FAM168A: variants seen among roughly 807,000 people sequenced by gnomAD.
FAM168A encodes the protein family with sequence similarity 168 member A.
In FAM168A, 3 loss-of-function variants were observed where a neutral mutation model predicts 28.5. The observed-to-expected ratio is 0.11, with a 90% CI of 0.05 to 0.27. The LOEUF (loss-of-function observed/expected upper bound fraction) is 0.27, where lower values mean the gene tolerates loss of function less well. Ranked by LOEUF, FAM168A falls within the 10% of genes least tolerant of loss-of-function variation. FAM168A has a pLI of 1.00. For synonymous variants in FAM168A, 122 were observed against 124.2 expected (o/e 0.98, Z 0.12); for missense variants, 222 against 311.5 (o/e 0.71, Z 2.16).
chr11:73,513,517 G>C (rs1229260879), intron 1 of FAM168A, among the ~76,000 whole-genome samples: 1 of 151,686 alleles, frequency 6.6e-6, no homozygotes. Context: ...GCCCCACCCA[G>C]GTAAAAGAAT....
intron 4 of FAM168A, among the ~76,000 whole-genome samples, chr11:73,411,845 T>C (rs1286175849): frequency 1.3e-5 from 2 of 152,156 alleles, no homozygotes; most frequent in Non-Finnish European, 2.9e-5. Context: ...AGCCTGGGAT[T>C]TGGAGCTGTC....
At chr11:73,553,722 A>G (rs1943855090) in intron 1 of FAM168A, among the ~76,000 whole-genome samples, 1 of 151,452 alleles carries the variant, frequency 6.6e-6, no homozygotes. Flanking sequence ...TGGCTCATGT[A>G]TGTAACCCTA....
intron 4 of FAM168A, among the ~76,000 whole-genome samples, chr11:73,419,434 G>A (rs371473737): frequency 1.3e-5 from 2 of 152,194 alleles, no homozygotes; most frequent in South Asian, 2.1e-4. Context: ...CAGGGATGCT[G>A]TTAAACATCC....
At chr11:73,492,788 A>G (rs1455277970) in intron 1 of FAM168A, among the ~76,000 whole-genome samples, 1 of 152,228 alleles carries the variant, frequency 6.6e-6, no homozygotes, top group African/African-American at 2.4e-5. Context: ...ATGTGACTCA[A>G]ATACTCAGAG....
intron 1 of FAM168A, among the ~76,000 whole-genome samples, chr11:73,503,862 CATCTG>C (rs1463005829): frequency 6.6e-6 from 1 of 152,158 alleles, no homozygotes; most frequent in East Asian, 1.9e-4. Flanking sequence ...CATCTACAAA[CATCTG>C]ATCTTCAACA....
chr11:73,471,406 T>C (rs781040482), intron 1 of FAM168A, among the ~76,000 whole-genome samples: 1 of 152,190 alleles, frequency 6.6e-6, no homozygotes, highest in Non-Finnish European at 1.5e-5. Flanking sequence ...AATTTCCATA[T>C]AGTAAAATTT....
intron 1 of FAM168A, among the ~76,000 whole-genome samples, chr11:73,591,429 T>C (rs905167582): frequency 6.6e-6 from 1 of 152,222 alleles, no homozygotes; most frequent in Non-Finnish European, 1.5e-5. Context: ...CTGCCTGCCA[T>C]AGACACTCAA....
intron 2 of FAM168A, among the ~76,000 whole-genome samples, chr11:73,461,911 A>G (rs1867653142): frequency 6.6e-6 from 1 of 152,216 alleles, no homozygotes; most frequent in Non-Finnish European, 1.5e-5. Flanking sequence ...AAATAAAAAG[A>G]ACATTTCATA....
chr11:73,485,403 C>G (rs1466681419), intron 1 of FAM168A, among the ~76,000 whole-genome samples: 2 of 152,140 alleles, frequency 1.3e-5, no homozygotes, highest in African/African-American at 4.8e-5. Flanking sequence ...TTCCTTCAGA[C>G]ATTAGAACCA....
chr11:73,592,068 C>T (rs586309), intron 1 of FAM168A, among the ~76,000 whole-genome samples: 68 of 152,152 alleles, frequency 4.5e-4, no homozygotes, highest in Admixed American at 1.2e-3. Context: ...CAAGCTTGAG[C>T]GACATGATCA....
chr11:73,413,807 T>C lies in FAM168A; in HGVS notation c.278-2271A>G, dbSNP rs181926093. On this transcript the variant is annotated intron_variant, in intron 4 of 7. Coordinates refer to ENST00000356467, the MANE Select transcript of FAM168A (RefSeq NM_015159.3). ...TGGGCTGGATGTGATGGCTCTCACC[T>C]ATAATCCCAGCACTTTGGGAGGCCA... Among the ~76,000 whole-genome samples the C allele has an allele frequency of 2.0e-3, 305 of 152,352 alleles. 3 individuals are homozygous for C. The highest frequency in any genetic ancestry group is 7.2e-3 in the African/African-American group (298 of 41,588).
At chr11:73,536,862 A>G (rs1016579859) in intron 1 of FAM168A, among the ~76,000 whole-genome samples, 5 of 152,212 alleles carry the variant, frequency 3.3e-5, no homozygotes, top group African/African-American at 1.2e-4. Context: ...GAACGGATCC[A>G]TATGTGGATA....
At chr11:73,580,246 C>T (rs1481195661) in intron 1 of FAM168A, 18 of 537,510 alleles carry the variant, frequency 3.3e-5, no homozygotes, top group Middle Eastern at 3.1e-4. Flanking sequence ...TCACTGTCGC[C>T]GCCACCATGC....
intron 1 of FAM168A, among the ~76,000 whole-genome samples, chr11:73,542,135 T>G (rs1444223295): frequency 6.6e-6 from 1 of 152,158 alleles, no homozygotes; most frequent in Non-Finnish European, 1.5e-5. Flanking sequence ...GTACACACAT[T>G]TCCTAGGTGA....
intron 1 of FAM168A, among the ~76,000 whole-genome samples, chr11:73,485,079 C>A (rs1868035704): frequency 6.6e-6 from 1 of 152,150 alleles, no homozygotes; most frequent in Non-Finnish European, 1.5e-5. Flanking sequence ...TACCCAAGAT[C>A]AATACTTTGC....
At chr11:73,589,049 T>G (rs1944349876) in intron 1 of FAM168A, among the ~76,000 whole-genome samples, 1 of 152,178 alleles carries the variant, frequency 6.6e-6, no homozygotes, top group African/African-American at 2.4e-5. Flanking sequence ...ATCTTGGACT[T>G]CTTTCTAGCC....
At chr11:73,425,522 C>CTG (rs943400271) in intron 3 of FAM168A, among the ~76,000 whole-genome samples, 4 of 152,230 alleles carry the variant, frequency 2.6e-5, no homozygotes, top group Non-Finnish European at 5.9e-5. Flanking sequence ...CTCTGGGTCA[C>CTG]TGTGGTGCTA....
chr11:73,423,320 C>T (rs1565237818), intron 3 of FAM168A, among the ~76,000 whole-genome samples: 1 of 152,100 alleles, frequency 6.6e-6, no homozygotes, highest in Non-Finnish European at 1.5e-5. Flanking sequence ...GCACTCAGAG[C>T]GATATACCTA....
intron 1 of FAM168A, among the ~76,000 whole-genome samples, chr11:73,523,600 C>A (rs1943412563): frequency 6.6e-6 from 1 of 152,080 alleles, no homozygotes; most frequent in Non-Finnish European, 1.5e-5. Flanking sequence ...ACTTTTAGCA[C>A]CATGCCTGGT....
Sources: allele counts gnomAD v4.1 joint callset (sites outside exome capture counted in the v4.1 genomes callset), GRCh38; gene constraint gnomAD v4.1.1; transcripts MANE v1.5; gene names NCBI Gene and HGNC (gene_info 2026-07-23, HGNC 2026-07-21).